Variants in GRIPAP1 observed in about 807,000 individuals in gnomAD.
The protein encoded by GRIPAP1 is GRIP1-associated protein 1.
Under a neutral mutation model 84.1 loss-of-function variants are expected in GRIPAP1, and 14 were observed. The observed-to-expected ratio is 0.17, with a 90% CI of 0.11 to 0.26. The LOEUF (loss-of-function observed/expected upper bound fraction) is 0.26. GRIPAP1 is among the 10% of genes least tolerant of loss of function. GRIPAP1 has a pLI of 1.00. For synonymous variants in GRIPAP1, 261 were observed against 256.8 expected, an observed-to-expected ratio of 1.02 and a Z score of -0.15; for missense variants, 518 against 674.2, an observed-to-expected ratio of 0.77 and a Z score of 2.57.
intron 3 of GRIPAP1, 135 bp from the exon 4 acceptor site, chrX:48,998,315 C>T (rs1332326920): frequency 4.1e-6 from 2 of 483,313 alleles, no homozygotes; most frequent in Non-Finnish European, 7.4e-6. Context: ...CATCTTCAAC[C>T]ACAGAACATG....
rs890981575 is a variant in GRIPAP1, at chrX:48,974,173, T to C, written c.*20A>G. ...CCTAGGGGGTAGGAAGGGGAGGAGG[T>C]GGGTGCAGCCTGCAGGTCTTTAGCT... On this transcript the variant is annotated 3_prime_UTR_variant, in exon 26 of 26. Coordinates refer to ENST00000376423, the MANE Select transcript of GRIPAP1 (RefSeq NM_020137.5). 6.4e-6 allele frequency: 7 copies of C among 1,086,677 alleles called. No homozygotes were observed. The African/African-American group carries it at 1.3e-4, about 20-fold the overall frequency. The allele number at this position is 1,086,677 out of a possible 1,213,427, so 89.6% of individuals were successfully genotyped here. A position where few individuals can be genotyped will look rare whatever the true frequency, so the allele number is the denominator to read the frequency against.
rs782050659 is a variant in GRIPAP1, at chrX:48,993,686, T to A, written c.307-108A>T. 1.2e-5 allele frequency: 7 copies of A among 568,644 alleles called. No individual in the cohort carries two copies. The Admixed American group carries it at 1.7e-4, about 14-fold the overall frequency. 46.9% of individuals were successfully genotyped at this position (568,644 alleles called of 1,213,427 possible). On this transcript the variant is annotated intron_variant, in intron 5 of 25. Coordinates refer to ENST00000376423, the MANE Select transcript of GRIPAP1 (RefSeq NM_020137.5). ...TTTACAATTCACTTAATTCCCATAA[T>A]GACCCTATGATATAGGTGCCCTCCC...
At position 48,976,215 on chromosome X, in the gene GRIPAP1, T is replaced by TGGGCAGGC. The variant is rs782493241; in HGVS notation, c.2184+18_2184+25dup. 18 of 1,175,712 alleles carry TGGGCAGGC rather than the reference T, an allele frequency of 1.5e-5. 1 individual carries two copies. The East Asian group carries it at 5.4e-4, about 35-fold the overall frequency. Reference sequence around the variant, plus strand: ...CCCACAAGGGCACTTCAAGTGGGGATGGGCAGGCAGGCAGGCAGGCAGCAC... The same window carrying TGGGCAGGC: ...CCCACAAGGGCACTTCAAGTGGGGATGGGCAGGCGGGCAGGCAGGCAGGCAGGCAGCAC... On this transcript the variant is annotated intron_variant, in intron 23 of 25. Coordinates refer to ENST00000376423, the MANE Select transcript of GRIPAP1 (RefSeq NM_020137.5).
chrX:48,982,878 G>GA, intron 17 of GRIPAP1, 101 bp downstream of exon 17: 1 of 542,680 alleles, frequency 1.8e-6, no homozygotes, highest in Non-Finnish European at 3.2e-6. Flanking sequence ...CCTAAGTCCA[G>GA]AAAATCTCGG....
intron 1 of GRIPAP1, among the ~76,000 whole-genome samples, chrX:49,001,466 C>G (rs1557068576): frequency 9.2e-6 from 1 of 108,867 alleles, no homozygotes; most frequent in African/African-American, 3.4e-5. Context: ...GGGGTACCTC[C>G]CCAAAGCCCA....
At chrX:48,977,664 A>C (rs2064430217) in intron 22 of GRIPAP1, 1 of 110,668 alleles carries the variant, frequency 9.0e-6, no homozygotes, top group African/African-American at 3.3e-5. Flanking sequence ...TGGATGGTGA[A>C]AATATTATTT....
chrX:48,976,758 C>T (rs782393504), intron 22 of GRIPAP1: 41 of 145,888 alleles, frequency 2.8e-4, no homozygotes, highest in Admixed American at 4.6e-4. Context: ...AAAAAAGGGA[C>T]CGCACTAAAG....
chrX:48,974,104 G>T lies in GRIPAP1; in HGVS notation c.*89C>A. Reference sequence around the variant, plus strand: ...CCAGTCTCCCAAGCTATTTGATTTTGGCTCCAGCCCTCATTTTTCCACCAC... The same window carrying T: ...CCAGTCTCCCAAGCTATTTGATTTTTGCTCCAGCCCTCATTTTTCCACCAC... On this transcript the variant is annotated 3_prime_UTR_variant, in exon 26 of 26. Transcript: ENST00000376423. 1.8e-6 allele frequency: 1 copy of T among 555,779 alleles called. No individual in the cohort carries two copies. Among genetic ancestry groups the T allele is most frequent in the Non-Finnish European group, 3.0e-6 (1 of 329,112 alleles). 45.8% of individuals were successfully genotyped at this position (555,779 alleles called of 1,213,427 possible). A position where few individuals can be genotyped will look rare whatever the true frequency, so the allele number is the denominator to read the frequency against.
At chrX:48,987,601 A>G (rs2064497763) in intron 13 of GRIPAP1, among the ~76,000 whole-genome samples, 184 bp downstream of exon 13, 1 of 106,924 alleles carries the variant, frequency 9.4e-6, no homozygotes, top group African/African-American at 3.4e-5. Context: ...AAAAGTTAAA[A>G]AAAAAAAAAA....
At chrX:48,999,348 C>A in intron 2 of GRIPAP1, 49 bp from the exon 3 acceptor site, 1 of 1,138,650 alleles carries the variant, frequency 8.8e-7, no homozygotes, top group South Asian at 1.8e-5. Context: ...TGGCAAGAAA[C>A]TGAAAGGCCT....
At chrX:48,975,884 C>A in intron 24 of GRIPAP1, 134 bp downstream of exon 24, 1 of 498,575 alleles carries the variant, frequency 2.0e-6, no homozygotes, top group Non-Finnish European at 3.5e-6. Flanking sequence ...CCTGTTCTCC[C>A]CTCCACAGGC....
At position 48,990,020 on chromosome X, in the gene GRIPAP1, AG is replaced by A; in HGVS notation, c.691-18del. On this transcript the variant is annotated intron_variant, in intron 8 of 25. Coordinates refer to ENST00000376423, the MANE Select transcript of GRIPAP1 (RefSeq NM_020137.5). ...CTCGGAGAGCTGGGGAGAGAGGTAC[AG>A]ACAAGTGATAACATTGAGAATAATA... The A allele has an allele frequency of 1.7e-6, 2 of 1,143,549 alleles. No homozygotes were observed. Among genetic ancestry groups the A allele is most frequent in the East Asian group, 3.0e-5 (1 of 33,291 alleles). The allele number at this position is 1,143,549 out of a possible 1,213,427, so 94.2% of individuals were successfully genotyped here.
intron 11 of GRIPAP1, chrX:48,988,431 C>G: frequency 7.4e-6 from 3 of 406,507 alleles, no homozygotes; most frequent in Non-Finnish European, 1.3e-5. Flanking sequence ...CGACTAGACT[C>G]CTGGCCCTAG....
At chrX:48,987,695 T>A (rs1177053166) in intron 13 of GRIPAP1, 90 bp downstream of exon 13, 4 of 574,030 alleles carry the variant, frequency 7.0e-6, no homozygotes, top group Non-Finnish European at 1.2e-5. Context: ...CAGCATGGGG[T>A]CCAGACCACC....
chrX:48,985,182 C>T, intron 14 of GRIPAP1, 86 bp downstream of exon 14: 3 of 853,801 alleles, frequency 3.5e-6, no homozygotes, highest in South Asian at 4.5e-5. Flanking sequence ...CTCCTGACTC[C>T]AGTCTTCCCA....
intron 14 of GRIPAP1, among the ~76,000 whole-genome samples, chrX:48,984,219 C>T (rs983329223): frequency 1.8e-5 from 2 of 110,853 alleles, no homozygotes; most frequent in Non-Finnish European, 3.8e-5. Context: ...CTGCCCCTTT[C>T]CTCCTTCCTT....
intron 1 of GRIPAP1, among the ~76,000 whole-genome samples, chrX:49,001,592 G>GGGATC (rs2064580648): frequency 1.8e-5 from 2 of 109,962 alleles, no homozygotes; most frequent in African/African-American, 6.6e-5. Context: ...CAGGCCTAAT[G>GGGATC]GGATCACCCT....
intron 4 of GRIPAP1, 133 bp from the exon 5 acceptor site, chrX:48,997,490 G>C (rs901024415): frequency 4.3e-6 from 2 of 467,552 alleles, no homozygotes; most frequent in Non-Finnish European, 7.6e-6. Context: ...GGTGATATAG[G>C]AGAAAGAGAC....
At chrX:48,989,391 C>G (rs1029599949) in intron 11 of GRIPAP1, among the ~76,000 whole-genome samples, 3 of 111,042 alleles carry the variant, frequency 2.7e-5, no homozygotes, top group Non-Finnish European at 3.8e-5. Context: ...CACACAGCCC[C>G]CTAAGTCCTT....
Sources: allele counts gnomAD v4.1 joint callset (sites outside exome capture counted in the v4.1 genomes callset), GRCh38; gene constraint gnomAD v4.1.1; transcripts MANE v1.5; gene names NCBI Gene and HGNC (gene_info 2026-07-23, HGNC 2026-07-21).